Variants in ARL15 observed in about 807,000 individuals in gnomAD.
ARL15 encodes the protein ARF like GTPase 15.
In ARL15, 19 loss-of-function variants were observed where a neutral mutation model predicts 25.2. The observed-to-expected ratio is 0.75, with a 90% confidence interval of 0.53 to 1.10. ARL15 has a LOEUF of 1.10. ARL15 is among the 50% of genes least tolerant of loss of function. The pLI, the probability that ARL15 is intolerant of heterozygous loss-of-function variation, is 0.00. For synonymous variants in ARL15, 94 were observed against 86.8 expected (o/e 1.08, Z -0.46); for missense variants, 220 against 246.0 (o/e 0.89, Z 0.71).
At chr5:54,011,413 T>G (rs1414143426) in intron 4 of ARL15, among the ~76,000 whole-genome samples, 1 of 152,090 alleles carries the variant, frequency 6.6e-6, no homozygotes, top group Non-Finnish European at 1.5e-5. Context: ...TCAGAAGAGG[T>G]TGGTTTTTTG....
Position 53,991,563 on chromosome 5 carries a change from G to GAAAAAA in ARL15, c.463-104851_463-104850insTTTTTT, listed in dbSNP as rs771075344. On this transcript the variant is annotated intron_variant, in intron 4 of 4. Coordinates refer to ENST00000504924, the MANE Select transcript of ARL15 (RefSeq NM_019087.3). ...ATCTCAAAAAAAAAAAAAAAAAAAGGGGGGGCGGGGGGCAATTGAAGCAAT... is the reference window on the plus strand; with the variant it reads ...ATCTCAAAAAAAAAAAAAAAAAAAGGAAAAAAGGGGGCGGGGGGCAATTGAAGCAAT... Among the ~76,000 whole-genome samples the GAAAAAA allele has an allele frequency of 8.6e-4, 110 of 127,874 alleles. 5 individuals carry two copies. The highest frequency in any genetic ancestry group is 1.4e-3 in the African/African-American group (47 of 34,168). 83.9% of individuals were successfully genotyped at this position (127,874 alleles called of 152,430 possible).
chr5:53,924,594 C>T (rs1251827048), intron 4 of ARL15, among the ~76,000 whole-genome samples: 2 of 152,162 alleles, frequency 1.3e-5, no homozygotes, highest in East Asian at 1.9e-4. Flanking sequence ...AGACGCCTAA[C>T]ATTTAGTCCA....
chr5:54,273,855 G>A (rs1003510163), intron 1 of ARL15, among the ~76,000 whole-genome samples: 3 of 152,222 alleles, frequency 2.0e-5, no homozygotes, highest in African/African-American at 7.2e-5. Context: ...GGAACAGAGA[G>A]ACTAACATCG....
At chr5:53,923,845 A>G (rs1041483146) in intron 4 of ARL15, among the ~76,000 whole-genome samples, 1 of 152,068 alleles carries the variant, frequency 6.6e-6, no homozygotes, top group Non-Finnish European at 1.5e-5. Context: ...AGCCTGGGCA[A>G]CAGAGCAAGA....
At position 53,897,061 on chromosome 5, in the gene ARL15, T is replaced by A. The variant is rs1235440775; in HGVS notation, c.463-10348A>T. Among the ~76,000 whole-genome samples, 4 of 152,214 alleles carry A rather than the reference T, an allele frequency of 2.6e-5. No individual in the cohort carries two copies. The East Asian group carries it at 7.7e-4, about 29-fold the overall frequency. ...CACATGTTTTACTATCTTTCCATCT[T>A]GCTCTACAGATATTCCATTTTCTTT... On this transcript the variant is annotated intron_variant, in intron 4 of 4. Coordinates refer to ENST00000504924, the MANE Select transcript of ARL15 (RefSeq NM_019087.3).
intron 4 of ARL15, among the ~76,000 whole-genome samples, chr5:54,089,349 T>C (rs1752065206): frequency 6.6e-6 from 1 of 152,158 alleles, no homozygotes; most frequent in Non-Finnish European, 1.5e-5. Flanking sequence ...TCTAATACTA[T>C]ACAAGGGTGA....
At chr5:53,969,828 T>C (rs956657615) in intron 4 of ARL15, among the ~76,000 whole-genome samples, 3 of 152,086 alleles carry the variant, frequency 2.0e-5, no homozygotes, top group African/African-American at 4.8e-5. Flanking sequence ...AAACTCTTTA[T>C]TGGTAAAAAA....
chr5:54,067,712 C>A (rs1751286157), intron 4 of ARL15, among the ~76,000 whole-genome samples: 1 of 152,176 alleles, frequency 6.6e-6, no homozygotes, highest in South Asian at 2.1e-4. Flanking sequence ...TCTTGGTAAT[C>A]TCCAGTAAAC....
chr5:54,074,132 A>G (rs1396272848), intron 4 of ARL15, among the ~76,000 whole-genome samples: 2 of 152,190 alleles, frequency 1.3e-5, no homozygotes, highest in Non-Finnish European at 2.9e-5. Context: ...TCTTTACTAT[A>G]TACCAGATCT....
At chr5:54,205,352 A>G (rs34060066) in intron 1 of ARL15, among the ~76,000 whole-genome samples, 13,921 of 152,160 alleles carry the variant, frequency 0.091, 992 homozygotes, top group African/African-American at 0.19. Context: ...ACACGAGTCT[A>G]ATCTGCTTTC....
intron 3 of ARL15, among the ~76,000 whole-genome samples, chr5:54,144,844 A>T (rs1017006405): frequency 6.6e-6 from 1 of 152,190 alleles, no homozygotes; most frequent in African/African-American, 2.4e-5. Context: ...GTTTGTGGGT[A>T]AACACAGCTG....
In ARL15 at chr5:54,234,195, A is replaced by G. The variant is rs371323735; in HGVS notation, c.49-62267T>C. ...ATTTTTGTAGAGATGGGGTTTCTCC[A>G]TGTTGGCCAGGTCTCGAACTCCTGG... is the stretch of plus-strand genomic sequence containing the variant. On this transcript the variant is annotated intron_variant, in intron 1 of 4. Transcript: ENST00000504924. 6.6e-5 allele frequency among the ~76,000 whole-genome samples: 10 copies of G among 152,056 alleles called. No homozygotes were observed. The East Asian group carries it at 1.9e-3, about 29-fold the overall frequency.
intron 4 of ARL15, among the ~76,000 whole-genome samples, chr5:54,074,261 G>A (rs1257632969): frequency 6.6e-6 from 1 of 152,144 alleles, no homozygotes; most frequent in East Asian, 1.9e-4. Flanking sequence ...TAAAGAAGGA[G>A]GATGATTATG....
At chr5:54,084,545 G>A (rs1003379274) in intron 4 of ARL15, among the ~76,000 whole-genome samples, 8 of 151,926 alleles carry the variant, frequency 5.3e-5, no homozygotes, top group South Asian at 2.1e-4. Flanking sequence ...GCTGCCCCTC[G>A]ACATCTCCCT....
intron 2 of ARL15, among the ~76,000 whole-genome samples, chr5:54,157,810 G>C (rs772430685): frequency 1.3e-5 from 2 of 152,074 alleles, no homozygotes; most frequent in Non-Finnish European, 2.9e-5. Context: ...TACTGCAAAG[G>C]TATACACAGT....
At chr5:53,901,240 T>C (rs1745056720) in intron 4 of ARL15, among the ~76,000 whole-genome samples, 1 of 152,230 alleles carries the variant, frequency 6.6e-6, no homozygotes, top group South Asian at 2.1e-4. Flanking sequence ...CAAGCACTTT[T>C]AGGGTATTCT....
At chr5:54,124,176 T>A (rs1227945933) in intron 3 of ARL15, among the ~76,000 whole-genome samples, 2 of 152,214 alleles carry the variant, frequency 1.3e-5, no homozygotes, top group African/African-American at 2.4e-5. Context: ...CCAGTAAGGT[T>A]CCACAGTGCT....
At chr5:54,091,400 C>T (rs557188548) in intron 4 of ARL15, among the ~76,000 whole-genome samples, 5 of 152,220 alleles carry the variant, frequency 3.3e-5, no homozygotes, top group Admixed American at 6.5e-5. Context: ...GAGAATGTTA[C>T]TCAAACATAA....
intron 4 of ARL15, among the ~76,000 whole-genome samples, chr5:53,977,192 C>T (rs1393255223): frequency 6.6e-6 from 1 of 151,904 alleles, no homozygotes; most frequent in Admixed American, 6.6e-5. Context: ...CCCATCTCTA[C>T]TAAAAATACA....
Sources: allele counts gnomAD v4.1 joint callset (sites outside exome capture counted in the v4.1 genomes callset), GRCh38; gene constraint gnomAD v4.1.1; transcripts MANE v1.5; gene names NCBI Gene and HGNC (gene_info 2026-07-23, HGNC 2026-07-21).